The following RSF1 variants were observed in gnomAD, a reference collection of about 807,000 sequenced individuals.
The protein encoded by RSF1 is HBV pX-associated protein 8.
Under a neutral mutation model 145.2 loss-of-function variants are expected in RSF1, and 13 were observed. That is an observed-to-expected ratio of 0.09 (90% CI 0.06 to 0.14). RSF1 has a LOEUF of 0.14. Among genes scored for constraint, RSF1 ranks in the 10% least tolerant of loss-of-function variants. The pLI is 1.00. For missense variants in RSF1, 1,517 were observed against 1,718.2 expected (o/e 0.88, Z 2.07); for synonymous variants, 577 against 592.6 (o/e 0.97, Z 0.38).
At chr11:77,671,158 T>TATATATATATATATA in intron 15 of RSF1, among the ~76,000 whole-genome samples, 1 of 65,574 alleles carries the variant, frequency 1.5e-5, no homozygotes, top group Non-Finnish European at 2.5e-5. Context: ...TATATATATA[T>TATATATATATATATA]ATATATATAT....
At chr11:77,777,967 G>A (rs1948359361) in intron 1 of RSF1, among the ~76,000 whole-genome samples, 1 of 147,308 alleles carries the variant, frequency 6.8e-6, no homozygotes, top group African/African-American at 2.5e-5. Flanking sequence ...TAACCTAACA[G>A]AAAATAAGAC....
chr11:77,841,243 G>A, the RSF1 span: 1 of 702,398 alleles, frequency 1.4e-6, no homozygotes, highest in Non-Finnish European at 2.6e-6. Flanking sequence ...TCTTAATGTT[G>A]TTATAATGGC....
At chr11:77,858,367 T>C in the RSF1 span, among the ~76,000 whole-genome samples, 2 of 133,768 alleles carry the variant, frequency 1.5e-5, no homozygotes, top group Non-Finnish European at 3.1e-5. Flanking sequence ...AGAGCTCCCA[T>C]ACAAAGGGAG....
chr11:77,774,477 C>T (rs896407491), intron 1 of RSF1, among the ~76,000 whole-genome samples: 1 of 151,698 alleles, frequency 6.6e-6, no homozygotes, highest in African/African-American at 2.4e-5. Flanking sequence ...GAGGCTGAGG[C>T]AGGAGAATCA....
the RSF1 span, among the ~76,000 whole-genome samples, chr11:77,847,320 C>T: frequency 2.0e-5 from 3 of 152,276 alleles, no homozygotes; most frequent in Admixed American, 6.5e-5. Context: ...TTTTATCTGG[C>T]ATTTGGTTTA....
intron 4 of RSF1, chr11:77,734,549 C>T: frequency 6.4e-7 from 1 of 1,558,164 alleles, no homozygotes; most frequent in Middle Eastern, 2.3e-4. Context: ...TCGAGTGCTC[C>T]CATCTTGTGC....
At chr11:77,735,948 A>C (rs1049804321) in intron 4 of RSF1, among the ~76,000 whole-genome samples, 1 of 152,222 alleles carries the variant, frequency 6.6e-6, no homozygotes, top group Non-Finnish European at 1.5e-5. Context: ...CATGTTGGCC[A>C]GGATGGTCTC....
chr11:77,729,647 A>G (rs1961148365), intron 4 of RSF1, among the ~76,000 whole-genome samples: 1 of 151,856 alleles, frequency 6.6e-6, no homozygotes, highest in Non-Finnish European at 1.5e-5. Flanking sequence ...TGAGCCAAGT[A>G]TCTGGTTCTT....
rs949230969 is a variant in RSF1 at position 77,683,892 on chromosome 11, G to C, written c.2956-73C>G. 3 of 1,134,048 alleles carry C rather than the reference G, an allele frequency of 2.6e-6. No homozygotes were observed. The African/African-American group carries it at 4.7e-5, about 18-fold the overall frequency. 70.2% of individuals were successfully genotyped at this position (1,134,048 alleles called of 1,614,324 possible). On this transcript the variant is annotated intron_variant, in intron 10 of 15. Coordinates refer to ENST00000308488, the MANE Select transcript of RSF1 (RefSeq NM_016578.4). Reference sequence around the variant, plus strand: ...AAAGTTCCTTGGGATAAACAGTTTTGTAATCTCCATTTAGGTAGCACATGT... The same window carrying C: ...AAAGTTCCTTGGGATAAACAGTTTTCTAATCTCCATTTAGGTAGCACATGT...
At chr11:77,682,815 G>T (rs1487832181) in intron 11 of RSF1, among the ~76,000 whole-genome samples, 1 of 152,186 alleles carries the variant, frequency 6.6e-6, no homozygotes, top group African/African-American at 2.4e-5. Flanking sequence ...TATAATGGGG[G>T]GGATTTGATC....
At position 77,669,183 on chromosome 11, in the gene RSF1, T is replaced by C. The variant is rs138962537; in HGVS notation, c.3752-1692A>G. Among the ~76,000 whole-genome samples, 190 of 152,304 alleles carry C rather than the reference T, an allele frequency of 1.2e-3. 3 individuals are homozygous for C. The highest frequency in any genetic ancestry group is 9.9e-3 in the South Asian group (48 of 4,828). On this transcript the variant is annotated intron_variant, in intron 15 of 15. Coordinates refer to ENST00000308488, the MANE Select transcript of RSF1 (RefSeq NM_016578.4). Reference sequence around the variant, plus strand: ...ATCCTTTGGGTCTCACTTTAAAACATATCCACAATGTGACTGCTTTCATCC... The same window carrying C: ...ATCCTTTGGGTCTCACTTTAAAACACATCCACAATGTGACTGCTTTCATCC...
intron 7 of RSF1, among the ~76,000 whole-genome samples, chr11:77,697,542 A>ATT (rs66509027): frequency 2.2e-5 from 3 of 134,304 alleles, no homozygotes; most frequent in Non-Finnish European, 3.1e-5. Flanking sequence ...TAATATATAT[A>ATT]TTATATATAT....
chr11:77,696,664 A>C (rs1457975536), intron 7 of RSF1, among the ~76,000 whole-genome samples: 1 of 152,226 alleles, frequency 6.6e-6, no homozygotes, highest in Non-Finnish European at 1.5e-5. Context: ...GAAAATGGTA[A>C]GGAGAGAACA....
intron 1 of RSF1, among the ~76,000 whole-genome samples, chr11:77,794,452 G>C (rs1176098025): frequency 6.6e-6 from 1 of 152,112 alleles, no homozygotes; most frequent in Non-Finnish European, 1.5e-5. Flanking sequence ...CAAGGACAAG[G>C]TGGGAGGATT....
At chr11:77,713,521 G>A (rs181791253) in intron 5 of RSF1, among the ~76,000 whole-genome samples, 264 of 152,310 alleles carry the variant, frequency 1.7e-3, no homozygotes, top group Non-Finnish European at 1.5e-3. Flanking sequence ...ATGTCTTGAT[G>A]TTGAATGGTC....
the RSF1 span, among the ~76,000 whole-genome samples, chr11:77,833,006 TA>T: frequency 2.8e-4 from 24 of 86,804 alleles, 3 homozygotes; most frequent in Admixed American, 5.1e-4. Context: ...TGTATATATA[TA>T]TATTTTTTTT....
At chr11:77,824,942 CAT>C (rs1159100423), upstream of RSF1, among the ~76,000 whole-genome samples, 1 of 152,150 alleles carries the variant, frequency 6.6e-6, no homozygotes, top group Non-Finnish European at 1.5e-5. Context: ...CTGTCTCCTT[CAT>C]ATGTTATCTT....
chr11:77,687,503 T>G (rs1404850561), intron 9 of RSF1, among the ~76,000 whole-genome samples: 1 of 152,070 alleles, frequency 6.6e-6, no homozygotes, highest in Non-Finnish European at 1.5e-5. Context: ...GCTAGGCATT[T>G]GAGACCAAGC....
intron 1 of RSF1, among the ~76,000 whole-genome samples, chr11:77,820,200 G>A (rs1948844378): frequency 6.6e-6 from 1 of 152,152 alleles, no homozygotes; most frequent in African/African-American, 2.4e-5. Context: ...AGACGGGGTG[G>A]GGGGCCGCCC....
Sources: allele counts gnomAD v4.1 joint callset (sites outside exome capture counted in the v4.1 genomes callset), GRCh38; gene constraint gnomAD v4.1.1; transcripts MANE v1.5; gene names NCBI Gene and HGNC (gene_info 2026-07-23, HGNC 2026-07-21).